GAB2: variants seen among roughly 807,000 people sequenced by gnomAD.
GAB2 encodes the protein GRB2 associated binding protein 2, also known as GRB2-associated-binding protein 2.
GAB2 carries 26 observed loss-of-function variants against 65.5 expected under a neutral mutation model. The observed-to-expected ratio is 0.40, with a 90% CI of 0.29 to 0.55. The LOEUF (loss-of-function observed/expected upper bound fraction) is 0.55, where lower values mean the gene tolerates loss of function less well. Ranked by LOEUF, GAB2 falls within the 20% of genes least tolerant of loss-of-function variation. The probability of loss-of-function intolerance (pLI) is 0.53; values close to 1 mark genes in which losing one functional copy is unlikely to be tolerated. For synonymous variants in GAB2, 321 were observed against 329.6 expected, an observed-to-expected ratio of 0.97 and a Z score of 0.28; for missense variants, 884 against 875.8, an observed-to-expected ratio of 1.01 and a Z score of -0.12.
intron 1 of GAB2, among the ~76,000 whole-genome samples, chr11:78,293,643 G>A (rs1471993452): frequency 6.6e-6 from 1 of 152,172 alleles, no homozygotes; most frequent in East Asian, 1.9e-4. Context: ...ACATGCCACT[G>A]TGATCAGTTT....
At chr11:78,381,703 C>T (rs1488032346) in intron 1 of GAB2, among the ~76,000 whole-genome samples, 28 of 151,522 alleles carry the variant, frequency 1.8e-4, no homozygotes, top group African/African-American at 9.7e-5. Context: ...TGTTTGAGCA[C>T]ATTTGACCCT....
intron 3 of GAB2, among the ~76,000 whole-genome samples, chr11:78,244,547 T>C (rs887417630): frequency 1.3e-5 from 2 of 149,526 alleles, no homozygotes; most frequent in Non-Finnish European, 3.0e-5. Context: ...ATATCCAGCA[T>C]ATACAAGGAA....
chr11:78,365,920 C>T (rs1176313512), intron 1 of GAB2, among the ~76,000 whole-genome samples: 3 of 152,240 alleles, frequency 2.0e-5, no homozygotes, highest in Non-Finnish European at 4.4e-5. Context: ...TATTCAGCCA[C>T]TAACTGGCAA....
chr11:78,335,941 C>A (rs897988338), intron 1 of GAB2, among the ~76,000 whole-genome samples: 7 of 151,964 alleles, frequency 4.6e-5, no homozygotes, highest in African/African-American at 1.5e-4. Context: ...TTACAGAGAT[C>A]TTTCACTTTT....
chr11:78,354,143 A>G (rs1329871412), intron 1 of GAB2, among the ~76,000 whole-genome samples: 1 of 152,220 alleles, frequency 6.6e-6, no homozygotes, highest in Non-Finnish European at 1.5e-5. Context: ...TATTATTGAA[A>G]GAATGATGGC....
chr11:78,356,421 A>G (rs1856360288), intron 1 of GAB2, among the ~76,000 whole-genome samples: 1 of 152,188 alleles, frequency 6.6e-6, no homozygotes, highest in South Asian at 2.1e-4. Context: ...TGCAAGGAAA[A>G]AAATATTACC....
At chr11:78,400,362 A>T (rs528979519) in intron 1 of GAB2, among the ~76,000 whole-genome samples, 4 of 152,332 alleles carry the variant, frequency 2.6e-5, no homozygotes, top group South Asian at 4.1e-4. Context: ...TAAGGGCATC[A>T]TTCTGTTTCA....
rs144895614 is a variant in GAB2 at position 78,369,503 on chromosome 11, C to T, written c.75+48143G>A. 4.6e-5 allele frequency among the ~76,000 whole-genome samples: 7 copies of T among 152,236 alleles called. No homozygotes were observed. In the East Asian group the frequency reaches 1.3e-3, roughly 29 times the overall value. Reference sequence around the variant, plus strand: ...CATCCCTTATACAGTGTTTTGTGTTCCCATTCTTTCTCATTAGAAGAGTCG... The same window carrying T: ...CATCCCTTATACAGTGTTTTGTGTTTCCATTCTTTCTCATTAGAAGAGTCG... On this transcript the variant is annotated intron_variant, in intron 1 of 9. Coordinates refer to ENST00000361507, the MANE Select transcript of GAB2 (RefSeq NM_080491.3).
At chr11:78,407,694 AAAG>A (rs1251212152) in intron 1 of GAB2, among the ~76,000 whole-genome samples, 1 of 148,344 alleles carries the variant, frequency 6.7e-6, no homozygotes, top group Non-Finnish European at 1.5e-5. Context: ...AGAAAGAAAG[AAAG>A]AAAGAGATGG....
chr11:78,244,938 T>C (rs1865255435), intron 3 of GAB2, among the ~76,000 whole-genome samples: 1 of 152,238 alleles, frequency 6.6e-6, no homozygotes, highest in Non-Finnish European at 1.5e-5. Context: ...TTACTGGGTA[T>C]ATATCTGAAG....
intron 1 of GAB2, among the ~76,000 whole-genome samples, chr11:78,282,449 C>T (rs991599837): frequency 6.6e-5 from 10 of 151,924 alleles, no homozygotes; most frequent in Admixed American, 2.0e-4. Context: ...GCTGGGATTA[C>T]AGATGCCCAC....
chr11:78,292,930 C>G (rs1591007639), intron 1 of GAB2, among the ~76,000 whole-genome samples: 4 of 152,286 alleles, frequency 2.6e-5, no homozygotes, highest in Admixed American at 2.6e-4. Context: ...AGAGATTAAA[C>G]AACTTACAGA....
At chr11:78,274,044 G>A (rs1287138318) in intron 2 of GAB2, among the ~76,000 whole-genome samples, 1 of 151,990 alleles carries the variant, frequency 6.6e-6, no homozygotes, top group Non-Finnish European at 1.5e-5. Context: ...CCAGTCTCAG[G>A]TATGTTTTTA....
chr11:78,370,605 A>G (rs1856557564), intron 1 of GAB2, among the ~76,000 whole-genome samples: 1 of 152,278 alleles, frequency 6.6e-6, no homozygotes, highest in African/African-American at 2.4e-5. Context: ...CCAAGGCTAT[A>G]TGCATCAACA....
chr11:78,363,830 C>G (rs975324691), intron 1 of GAB2, among the ~76,000 whole-genome samples: 1 of 152,092 alleles, frequency 6.6e-6, no homozygotes, highest in African/African-American at 2.4e-5. Context: ...AAAATCCACC[C>G]ACCTCAGCCT....
At chr11:78,375,689 C>T (rs1591073458) in intron 1 of GAB2, among the ~76,000 whole-genome samples, 2 of 152,046 alleles carry the variant, frequency 1.3e-5, no homozygotes, top group Admixed American at 6.6e-5. Flanking sequence ...AGAAAAGGCC[C>T]GAACACCTCA....
chr11:78,300,135 CA>C (rs1866953829), intron 1 of GAB2, among the ~76,000 whole-genome samples: 1 of 152,120 alleles, frequency 6.6e-6, no homozygotes, highest in Non-Finnish European at 1.5e-5. Context: ...ATCCTGGTGC[CA>C]GGCAAACACT....
At chr11:78,243,475 A>G (rs1865202126) in intron 3 of GAB2, among the ~76,000 whole-genome samples, 1 of 151,328 alleles carries the variant, frequency 6.6e-6, no homozygotes, top group Admixed American at 6.6e-5. Context: ...CTCAAAATAG[A>G]TAAAGGAATA....
intron 1 of GAB2, among the ~76,000 whole-genome samples, chr11:78,325,678 C>G (rs1035476073): frequency 6.6e-6 from 1 of 152,194 alleles, no homozygotes; most frequent in Non-Finnish European, 1.5e-5. Context: ...ACCACAGCAA[C>G]TACTACCCAC....
Sources: gnomAD v4.1 joint callset for allele counts (sites outside exome capture counted in the v4.1 genomes callset) on GRCh38, gnomAD v4.1.1 for gene constraint, MANE v1.5 for transcripts, NCBI Gene and HGNC (gene_info 2026-07-23, HGNC 2026-07-21) for gene names.